CUX2: variants seen among roughly 807,000 people sequenced by gnomAD.
CUX2 encodes homeobox protein cut-like 2.
CUX2 carries 40 observed loss-of-function variants against 144.8 expected under a neutral mutation model. The ratio of observed to expected loss-of-function variants is 0.28; its 90% CI spans 0.21 to 0.36. The LOEUF (loss-of-function observed/expected upper bound fraction) is 0.36. Among genes scored for constraint, CUX2 ranks in the 10% least tolerant of loss-of-function variants. The probability of loss-of-function intolerance (pLI) is 1.00; values close to 1 mark genes in which losing one functional copy is unlikely to be tolerated. For synonymous variants in CUX2, 827 were observed against 875.6 expected (o/e 0.94, Z 0.98); for missense variants, 1,615 against 1,994.0 (o/e 0.81, Z 3.62).
At chr12:111,327,179 T>A (rs966294436) in intron 18 of CUX2, among the ~76,000 whole-genome samples, 2 of 152,228 alleles carry the variant, frequency 1.3e-5, no homozygotes, top group Non-Finnish European at 2.9e-5. Flanking sequence ...CTGTACTACT[T>A]GGCCTTCTGT....
intron 1 of CUX2, 68 bp from the exon 2 acceptor site, chr12:111,214,132 A>T: frequency 9.5e-7 from 1 of 1,050,806 alleles, no homozygotes; most frequent in Non-Finnish European, 1.4e-6. Context: ...GTGGTTAAAA[A>T]GGAAAAAAAG....
rs931542912 is a variant in CUX2, at chr12:111,039,493, T to C, written c.63+5253T>C. Among the ~76,000 whole-genome samples the C allele has an allele frequency of 6.6e-6, 1 of 152,168 alleles. No homozygotes were observed. Among genetic ancestry groups the C allele is most frequent in the African/African-American group, 2.4e-5 (1 of 41,434 alleles). ...GTGCCCAACTTTGCTGTACGAGTTA[T>C]TGTAAAGGTGAAGGATGCTGACACC... On this transcript the variant is annotated intron_variant, in intron 1 of 21. Transcript: ENST00000261726. The surrounding 1 kb of genome is among the most constrained non-coding windows in gnomAD (Gnocchi z 4.2).
intron 1 of CUX2, among the ~76,000 whole-genome samples, chr12:111,199,163 G>A (rs1009414625): frequency 4.6e-5 from 7 of 152,224 alleles, no homozygotes; most frequent in South Asian, 4.1e-4. Flanking sequence ...GGACGTTGGC[G>A]GGATTGAAGA....
chr12:111,118,834 T>C (rs991467453), intron 1 of CUX2, among the ~76,000 whole-genome samples: 9 of 152,224 alleles, frequency 5.9e-5, no homozygotes, highest in African/African-American at 1.9e-4. Context: ...GAGATTCTGA[T>C]TTAATTGGTC....
chr12:111,274,440 C>T (rs1410514503), intron 4 of CUX2, among the ~76,000 whole-genome samples: 1 of 152,146 alleles, frequency 6.6e-6, no homozygotes. Context: ...ATAGTAAATG[C>T]TCAGTAAACA....
At chr12:111,097,864 G>A (rs992556273) in intron 1 of CUX2, among the ~76,000 whole-genome samples, 7 of 152,170 alleles carry the variant, frequency 4.6e-5, no homozygotes, top group African/African-American at 1.2e-4. Context: ...CGTGTGAGTC[G>A]TTTTGCTGGG....
chr12:111,077,048 T>C lies in CUX2; in HGVS notation c.63+42808T>C, dbSNP rs1184973647. On this transcript the variant is annotated intron_variant, in intron 1 of 21. Transcript: ENST00000261726. This position sits in a 1 kb window ranked among gnomAD's most constrained non-coding sequence, Gnocchi z 4.1. ...AACAGTCCCATTGCAACAGAGCTAT[T>C]CCTTGCACGAGGAGGTAAAATATTT... Among the ~76,000 whole-genome samples, 1 of 152,234 alleles carries C rather than the reference T, an allele frequency of 6.6e-6. No homozygotes were observed. The highest frequency in any genetic ancestry group is 1.5e-5 in the Non-Finnish European group (1 of 68,042).
intron 1 of CUX2, among the ~76,000 whole-genome samples, chr12:111,161,167 G>T (rs1333694634): frequency 6.6e-6 from 1 of 152,144 alleles, no homozygotes; most frequent in Non-Finnish European, 1.5e-5. Flanking sequence ...ATCACTGGAA[G>T]GGTACTTAAG....
At chr12:111,152,133 A>T (rs1354138211) in intron 1 of CUX2, among the ~76,000 whole-genome samples, 1 of 151,882 alleles carries the variant, frequency 6.6e-6, no homozygotes, top group African/African-American at 2.4e-5. Context: ...AAAATACAAA[A>T]ATTAGCTGGG....
Position 111,039,935 on chromosome 12 carries a change from G to A in CUX2, c.63+5695G>A, listed in dbSNP as rs1869657763. ...TAGGATGGAGTTATTTGGTTTCTAA[G>A]CCTCAGTGAGCCCTTCACCAAAATG... is the stretch of plus-strand genomic sequence containing the variant. On this transcript the variant is annotated intron_variant, in intron 1 of 21. Transcript: ENST00000261726. This position sits in a 1 kb window ranked among gnomAD's most constrained non-coding sequence, Gnocchi z 4.2. Among the ~76,000 whole-genome samples, 1 of 152,138 alleles carries A rather than the reference G, an allele frequency of 6.6e-6. No homozygotes were observed. Among genetic ancestry groups the A allele is most frequent in the Non-Finnish European group, 1.5e-5 (1 of 68,026 alleles).
intron 3 of CUX2, among the ~76,000 whole-genome samples, chr12:111,225,113 C>T (rs890951324): frequency 6.6e-6 from 1 of 152,110 alleles, no homozygotes; most frequent in Admixed American, 6.5e-5. Flanking sequence ...ACCATGTGGC[C>T]TGGGCTGGTC....
At chr12:111,234,987 G>A (rs1418423573) in intron 3 of CUX2, among the ~76,000 whole-genome samples, 6 of 152,120 alleles carry the variant, frequency 3.9e-5, no homozygotes, top group Admixed American at 3.3e-4. Context: ...CCAAAGTGCT[G>A]GAATTACAGG....
rs972081186 is a variant in CUX2, at chr12:111,077,274, T to G, written c.63+43034T>G. On this transcript the variant is annotated intron_variant, in intron 1 of 21. Coordinates refer to ENST00000261726, the MANE Select transcript of CUX2 (RefSeq NM_015267.4). This position sits in a 1 kb window ranked among gnomAD's most constrained non-coding sequence, Gnocchi z 4.1. ...TGCTTGGGGAGTTGAAAGAGGCCTT[T>G]CCTTGAAACGCGCAGCCGTGTGGCA... Among the ~76,000 whole-genome samples, 1 of 152,174 alleles carries G rather than the reference T, an allele frequency of 6.6e-6. No homozygotes were observed. Among genetic ancestry groups the G allele is most frequent in the Non-Finnish European group, 1.5e-5 (1 of 68,024 alleles).
At chr12:111,147,873 C>A (rs996725317) in intron 1 of CUX2, among the ~76,000 whole-genome samples, 1 of 152,250 alleles carries the variant, frequency 6.6e-6, no homozygotes, top group African/African-American at 2.4e-5. Flanking sequence ...GGCTCCCAGA[C>A]ACAGGGGCTG....
At chr12:111,200,588 G>A (rs1033002899) in intron 1 of CUX2, among the ~76,000 whole-genome samples, 43 of 152,084 alleles carry the variant, frequency 2.8e-4, no homozygotes, top group African/African-American at 9.9e-4. Flanking sequence ...GCAGACTCTC[G>A]GGTAACCCTA....
At position 111,342,317 on chromosome 12, in the gene CUX2, A is replaced by G. The variant is rs116168108; in HGVS notation, c.3659+264A>G. The stretch of plus-strand genomic sequence containing the variant: ...ACATAGGGAGACCTCGTCTCTACAA[A>G]AAAAACTACAAAAATTAGTTGTGTG... On this transcript the variant is annotated intron_variant, in intron 21 of 21. Transcript: ENST00000261726. Among the ~76,000 whole-genome samples the G allele has an allele frequency of 3.0e-3, 456 of 152,184 alleles. 1 individual carries two copies. The highest frequency in any genetic ancestry group is 0.011 in the African/African-American group (437 of 41,514).
At chr12:111,177,888 T>C (rs149873547) in intron 1 of CUX2, among the ~76,000 whole-genome samples, 125 of 152,338 alleles carry the variant, frequency 8.2e-4, no homozygotes, top group African/African-American at 2.9e-3. Flanking sequence ...GGAATAAAAA[T>C]ATAACTGTCT....
chr12:111,149,634 A>T (rs1876912578), intron 1 of CUX2, among the ~76,000 whole-genome samples: 1 of 152,164 alleles, frequency 6.6e-6, no homozygotes, highest in Admixed American at 6.6e-5. Flanking sequence ...AGTACGGAGG[A>T]TATTGGACAG....
chr12:111,343,497 CA>C (rs1167154215), intron 21 of CUX2, among the ~76,000 whole-genome samples: 1 of 152,116 alleles, frequency 6.6e-6, no homozygotes, highest in Non-Finnish European at 1.5e-5. Context: ...AAAATCCACT[CA>C]TCCATTCCAG....
Sources: gnomAD v4.1 joint callset for allele counts (sites outside exome capture counted in the v4.1 genomes callset) on GRCh38, gnomAD v4.1.1 for gene constraint, Gnocchi (gnomAD v3.1) non-coding constraint, MANE v1.5 for transcripts, NCBI Gene and HGNC (gene_info 2026-07-23, HGNC 2026-07-21) for gene names.